Variants in CHST11 observed in about 807,000 individuals in gnomAD.
CHST11 encodes the protein C4S-1.
In CHST11, 9 loss-of-function variants were observed where a neutral mutation model predicts 30.4. The observed-to-expected ratio is 0.30, with a 90% CI of 0.18 to 0.52. The LOEUF (loss-of-function observed/expected upper bound fraction) is 0.52. CHST11 is among the 20% of genes least tolerant of loss of function. The probability of loss-of-function intolerance (pLI) is 0.97; values close to 1 mark genes in which losing one functional copy is unlikely to be tolerated. For synonymous variants in CHST11, 152 were observed against 187.8 expected (o/e 0.81, Z 1.56); for missense variants, 348 against 460.6 (o/e 0.76, Z 2.24).
intron 1 of CHST11, among the ~76,000 whole-genome samples, chr12:104,497,296 G>A (rs143638855): frequency 6.6e-6 from 1 of 152,334 alleles, no homozygotes; most frequent in African/African-American, 2.4e-5. Context: ...CTTGTAAGAA[G>A]AGAAAATTTG....
At chr12:104,645,683 A>G (rs959536078) in intron 2 of CHST11, among the ~76,000 whole-genome samples, 1 of 123,360 alleles carries the variant, frequency 8.1e-6, no homozygotes, top group African/African-American at 3.1e-5. Flanking sequence ...GCTGTGGACT[A>G]ATCCCTTTTC....
intron 1 of CHST11, among the ~76,000 whole-genome samples, chr12:104,474,304 C>G (rs1323860276): frequency 6.6e-6 from 1 of 152,164 alleles, no homozygotes; most frequent in African/African-American, 2.4e-5. Flanking sequence ...ACTGAACAGG[C>G]AATCTTTTAG....
intron 2 of CHST11, among the ~76,000 whole-genome samples, chr12:104,618,066 G>A (rs1181383379): frequency 7.3e-5 from 11 of 151,180 alleles, no homozygotes; most frequent in South Asian, 2.1e-4. Flanking sequence ...GCACCACCAC[G>A]CCCAGCTAAT....
chr12:104,576,681 C>A (rs1427749557), intron 1 of CHST11, among the ~76,000 whole-genome samples: 3 of 152,168 alleles, frequency 2.0e-5, no homozygotes, highest in African/African-American at 7.2e-5. Context: ...GTCAACCACC[C>A]ACTTCCATTT....
chr12:104,490,510 A>G (rs959801216), intron 1 of CHST11, among the ~76,000 whole-genome samples: 4 of 152,188 alleles, frequency 2.6e-5, no homozygotes, highest in African/African-American at 9.7e-5. Context: ...AGAAAACTTC[A>G]CCATATCAGC....
At chr12:104,741,845 G>A (rs2040349731) in intron 2 of CHST11, among the ~76,000 whole-genome samples, 1 of 152,202 alleles carries the variant, frequency 6.6e-6, no homozygotes, top group Admixed American at 6.5e-5. Flanking sequence ...CAGCGATCAA[G>A]AGCAGGTTCC....
Position 104,609,849 on chromosome 12 carries a change from TA to T in CHST11, c.204+7859del, listed in dbSNP as rs531178168. On this transcript the variant is annotated intron_variant, in intron 2 of 2. Transcript: ENST00000303694. ...TGGGCCCTTGCTGTGCTCTGTAATA[TA>T]GGCTCAGACATTTTGCACATGCACA... Among the ~76,000 whole-genome samples, 626 of 152,318 alleles carry T rather than the reference TA, an allele frequency of 4.1e-3. 3 individuals carry two copies. Among genetic ancestry groups the T allele is most frequent in the Middle Eastern group, 0.041 (12 of 294 alleles).
chr12:104,457,158 G>A lies in CHST11; in HGVS notation c.-254G>A. On this transcript the variant is annotated 5_prime_UTR_variant, in exon 1 of 3. Coordinates refer to ENST00000303694, the MANE Select transcript of CHST11 (RefSeq NM_018413.6). ...GGATCGGAGGAGGCGGCGGAGCGGCGAGGAGGAGGAGCAGGAGCGCGCAGC... is the reference window on the plus strand; with the variant it reads ...GGATCGGAGGAGGCGGCGGAGCGGCAAGGAGGAGGAGCAGGAGCGCGCAGC... 3.3e-6 allele frequency: 1 copy of A among 305,336 alleles called. No homozygotes were observed. Among genetic ancestry groups the A allele is most frequent in the Non-Finnish European group, 6.0e-6 (1 of 166,708 alleles). The allele number at this position is 305,336 out of a possible 1,614,324, so 18.9% of individuals were successfully genotyped here.
At chr12:104,576,866 A>G (rs2038687932) in intron 1 of CHST11, among the ~76,000 whole-genome samples, 1 of 152,154 alleles carries the variant, frequency 6.6e-6, no homozygotes, top group Admixed American at 6.5e-5. Context: ...CGTTCCTCCA[A>G]CATTCATGTT....
chr12:104,511,922 G>A (rs2037969521), intron 1 of CHST11, among the ~76,000 whole-genome samples: 1 of 152,054 alleles, frequency 6.6e-6, no homozygotes, highest in Admixed American at 6.6e-5. Flanking sequence ...GCTATGAAAT[G>A]GTATAGTATT....
chr12:104,599,009 C>T (rs1044653786), intron 1 of CHST11, among the ~76,000 whole-genome samples: 7 of 151,642 alleles, frequency 4.6e-5, no homozygotes, highest in African/African-American at 1.7e-4. Flanking sequence ...CTAAGGGAGG[C>T]GCGGAGGGGT....
At position 104,465,959 on chromosome 12, in the gene CHST11, A is replaced by C. The variant is rs185596579; in HGVS notation, c.118+8430A>C. ...TCTGGCTCCTCTGCCTCCTGGGTTC[A>C]AGCGATTCTCCTGCCTCAGCCTTCT... On this transcript the variant is annotated intron_variant, in intron 1 of 2. Transcript: ENST00000303694. Among the ~76,000 whole-genome samples, 533 of 151,950 alleles carry C rather than the reference A, an allele frequency of 3.5e-3. 1 individual carries two copies. Among genetic ancestry groups the C allele is most frequent in the African/African-American group, 0.011 (474 of 41,404 alleles).
In CHST11 at chr12:104,457,135, A is replaced by C; in HGVS notation, c.-277A>C. ...CCAGGCAGCGGCGGCCGCCGGCGGG[A>C]TCGGAGGAGGCGGCGGAGCGGCGAG... On this transcript the variant is annotated 5_prime_UTR_variant, in exon 1 of 3. Coordinates refer to ENST00000303694, the MANE Select transcript of CHST11 (RefSeq NM_018413.6). 5 of 259,700 alleles carry C rather than the reference A, an allele frequency of 1.9e-5. No individual in the cohort carries two copies. Among genetic ancestry groups the C allele is most frequent in the Non-Finnish European group, 3.6e-5 (5 of 137,862 alleles). The allele number at this position is 259,700 out of a possible 1,614,324, so 16.1% of individuals were successfully genotyped here.
intron 1 of CHST11, among the ~76,000 whole-genome samples, chr12:104,588,272 A>C (rs960860696): frequency 3.3e-5 from 5 of 152,256 alleles, no homozygotes; most frequent in East Asian, 1.9e-4. Flanking sequence ...GGCCTTAGGC[A>C]ATTGCTGGTC....
intron 1 of CHST11, among the ~76,000 whole-genome samples, chr12:104,551,366 G>A (rs1267346087): frequency 1.3e-5 from 2 of 152,108 alleles, no homozygotes; most frequent in African/African-American, 4.8e-5. Context: ...ACCAGGTAGT[G>A]TGCAGGGAAG....
intron 2 of CHST11, among the ~76,000 whole-genome samples, chr12:104,685,228 T>C (rs1309526262): frequency 6.6e-6 from 1 of 152,258 alleles, no homozygotes; most frequent in Non-Finnish European, 1.5e-5. Context: ...AATCTTAATA[T>C]ATAGCCTCCT....
In CHST11 at chr12:104,543,651, T is replaced by G. The variant is rs139461012; in HGVS notation, c.119-58255T>G. Among the ~76,000 whole-genome samples the G allele has an allele frequency of 1.7e-4, 26 of 152,250 alleles. 1 individual carries two copies. The East Asian group carries it at 4.4e-3, about 26-fold the overall frequency. ...ATGCATTTGGTTGGATCCTGCCTGA[T>G]GTACTTTATCTATCAGTGGCATCAT... On this transcript the variant is annotated intron_variant, in intron 1 of 2. Transcript: ENST00000303694.
intron 2 of CHST11, among the ~76,000 whole-genome samples, chr12:104,610,432 T>C (rs1045995654): frequency 6.6e-6 from 1 of 152,212 alleles, no homozygotes; most frequent in Non-Finnish European, 1.5e-5. Context: ...TCTGTGTCAG[T>C]CTGTATGAAT....
At chr12:104,570,105 G>A (rs747444460) in intron 1 of CHST11, among the ~76,000 whole-genome samples, 3 of 152,022 alleles carry the variant, frequency 2.0e-5, no homozygotes, top group Non-Finnish European at 2.9e-5. Flanking sequence ...CTGTAAGCTC[G>A]GCTGTGATCC....
Sources: allele counts gnomAD v4.1 joint callset (sites outside exome capture counted in the v4.1 genomes callset), GRCh38; gene constraint gnomAD v4.1.1; transcripts MANE v1.5; gene names NCBI Gene and HGNC (gene_info 2026-07-23, HGNC 2026-07-21).